ITGAX: variants seen among roughly 807,000 people sequenced by gnomAD.
The protein encoded by ITGAX is integrin alpha-X.
A neutral mutation model predicts 140.2 loss-of-function variants in ITGAX; 99 were observed. The observed-to-expected ratio is 0.71, with a 90% CI of 0.60 to 0.83. The LOEUF is 0.83. Ranked by LOEUF, ITGAX falls within the 40% of genes least tolerant of loss-of-function variation. The probability of loss-of-function intolerance (pLI) is 0.00; values close to 1 mark genes in which losing one functional copy is unlikely to be tolerated. For synonymous variants in ITGAX, 631 were observed against 600.4 expected (o/e 1.05, Z -0.75); for missense variants, 1,444 against 1,482.0 (o/e 0.97, Z 0.42).
chr16:31,361,729 G>A (rs1324754581), intron 9 of ITGAX, 107 bp from the exon 10 acceptor site: 2 of 1,227,990 alleles, frequency 1.6e-6, no homozygotes, highest in African/African-American at 1.5e-5. Flanking sequence ...ACAGGCACCA[G>A]CTCTCCCTGT....
chr16:31,360,384 A>G lies in ITGAX; in HGVS notation c.782A>G (p.Lys261Arg). Reference sequence around the variant, plus strand: ...ATTCTCATTGTCATCACTGATGGGAAGAAAGAAGGCGACAGCCTGGATTAT... The same window carrying G: ...ATTCTCATTGTCATCACTGATGGGAGGAAAGAAGGCGACAGCCTGGATTAT... ...AKILIVITDG[K>R]KEGDSLDYKD... Residue 261 changes from lysine to arginine, a missense_variant, in exon 8 of 30, where the codon AAG becomes AGG. Lys to Arg is a conservative substitution (Grantham distance 26, BLOSUM62 2). Transcript: ENST00000268296. 1.2e-6 allele frequency: 2 copies of G among 1,614,102 alleles called. No individual in the cohort carries two copies. The highest frequency in any genetic ancestry group is 1.7e-6 in the Non-Finnish European group (2 of 1,179,998).
chr16:31,377,276 A>G lies in ITGAX; in HGVS notation c.2789+11A>G. 1 of 1,597,242 alleles carries G rather than the reference A, an allele frequency of 6.3e-7. No homozygotes were observed. Reference sequence around the variant, plus strand: ...CACTGTGGTTAGCAGGTCAGCAGGTACCCCACTGCAGGAAAAAGGGTTCTT... The same window carrying G: ...CACTGTGGTTAGCAGGTCAGCAGGTGCCCCACTGCAGGAAAAAGGGTTCTT... On this transcript the variant is annotated intron_variant, in intron 23 of 29. Transcript: ENST00000268296.
Position 31,381,796 on chromosome 16 carries a change from C to G in ITGAX, c.3388-7C>G. 1.1e-6 allele frequency: 1 copy of G among 872,384 alleles called. No individual in the cohort carries two copies. The highest frequency in any genetic ancestry group is 2.0e-6 in the Non-Finnish European group (1 of 501,384). 54.0% of individuals were successfully genotyped at this position (872,384 alleles called of 1,614,324 possible). On this transcript the variant is annotated splice_polypyrimidine_tract_variant and splice_region_variant and intron_variant, in intron 29 of 29. Coordinates refer to ENST00000268296, the MANE Select transcript of ITGAX (RefSeq NM_000887.5). ...TTCCTGAGTTTCTTCTTCGTCCTCCCCCCTAGGTTGGCTTCTTCAAGCGTC... is the reference window on the plus strand; with the variant it reads ...TTCCTGAGTTTCTTCTTCGTCCTCCGCCCTAGGTTGGCTTCTTCAAGCGTC...
chr16:31,357,120 C>T lies in ITGAX; in HGVS notation c.318+19C>T, dbSNP rs755431431. The T allele has an allele frequency of 6.2e-6, 10 of 1,601,802 alleles. No individual in the cohort carries two copies. Among genetic ancestry groups the T allele is most frequent in the Non-Finnish European group, 8.5e-6 (10 of 1,177,060 alleles). On this transcript the variant is annotated intron_variant, in intron 4 of 29. Coordinates refer to ENST00000268296, the MANE Select transcript of ITGAX (RefSeq NM_000887.5). The stretch of plus-strand genomic sequence containing the variant: ...GCTGCTGGTGAGTGGCCCTGGGTCA[C>T]AGGAGGCTTCTGAGGGAGGGAGGGA...
intron 29 of ITGAX, 49 bp downstream of exon 29, chr16:31,381,056 T>C: frequency 6.8e-7 from 1 of 1,468,280 alleles, no homozygotes; most frequent in Non-Finnish European, 9.5e-7. Context: ...GGTCCCGCTC[T>C]TTTTGCAGAG....
At chr16:31,369,875 T>C (rs2080937526) in intron 14 of ITGAX, 1 of 152,154 alleles carries the variant, frequency 6.6e-6, no homozygotes, top group African/African-American at 2.4e-5. Context: ...AGCCTCGAAC[T>C]CCTGGACTGA....
At chr16:31,355,370 G>C (rs958407009) in intron 1 of ITGAX, 79 bp downstream of exon 1, 13 of 1,479,490 alleles carry the variant, frequency 8.8e-6, no homozygotes, top group East Asian at 4.6e-5. Flanking sequence ...GGCTCAGGCT[G>C]GGGGGTTAGG....
chr16:31,380,066 G>T lies in ITGAX; in HGVS notation c.3060+1G>T. The T allele has an allele frequency of 6.2e-7, 1 of 1,613,906 alleles. No homozygotes were observed. Among genetic ancestry groups the T allele is most frequent in the Non-Finnish European group, 8.5e-7 (1 of 1,179,866 alleles). On this transcript the variant is annotated splice_donor_variant, in intron 26 of 29. Coordinates refer to ENST00000268296, the MANE Select transcript of ITGAX (RefSeq NM_000887.5). LOFTEE classifies it high-confidence loss of function. ...GCACATTCAGAAGAATCCCGTGCTG[G>T]TGAGGAGGGCTCTGGGCTGGCCCTC...
intron 14 of ITGAX, among the ~76,000 whole-genome samples, chr16:31,365,323 G>A (rs1394859488): frequency 6.6e-6 from 1 of 152,102 alleles, no homozygotes; most frequent in Non-Finnish European, 1.5e-5. Flanking sequence ...ATACCAAAAG[G>A]CACTAAGTCA....
rs11574646 is a variant in ITGAX at position 31,380,726 on chromosome 16, C to T, written c.3276+102C>T. 0.21 allele frequency: 301,784 copies of T among 1,451,760 alleles called. 32,357 individuals are homozygous for T. The highest frequency in any genetic ancestry group is 0.25 in the East Asian group (10,870 of 43,706). The allele number at this position is 1,451,760 out of a possible 1,614,324, so 89.9% of individuals were successfully genotyped here. A position where few individuals can be genotyped will look rare whatever the true frequency, so the allele number is the denominator to read the frequency against. ...GTTTGCAAGCCTTGGGGGAGGAGGG[C>T]GAAGGCCTCTGGGCAGGATAGCTGT... On this transcript the variant is annotated intron_variant, in intron 28 of 29. Transcript: ENST00000268296.
At chr16:31,355,792 T>G in intron 1 of ITGAX, 101 bp from the exon 2 acceptor site, 2 of 866,860 alleles carry the variant, frequency 2.3e-6, no homozygotes, top group Non-Finnish European at 3.7e-6. Context: ...ACCCCGGGCA[T>G]CAGGCTCGGA....
intron 2 of ITGAX, 58 bp from the exon 3 acceptor site, chr16:31,356,567 T>A: frequency 1.7e-6 from 2 of 1,207,748 alleles, no homozygotes; most frequent in Non-Finnish European, 2.4e-6. Context: ...CTTGCCGGAG[T>A]GGCAGCTGTG....
At chr16:31,372,332 C>G (rs201977789) in intron 17 of ITGAX, 46 bp from the exon 18 acceptor site, 1 of 1,573,864 alleles carries the variant, frequency 6.4e-7, no homozygotes, top group East Asian at 2.2e-5. Flanking sequence ...GAGCGCAGCT[C>G]TTACCCTCCC....
chr16:31,377,316 A>AAAT, intron 23 of ITGAX, 51 bp downstream of exon 23: 7 of 1,390,982 alleles, frequency 5.0e-6, no homozygotes, highest in Non-Finnish European at 6.8e-6. Flanking sequence ...CTGACCTCAA[A>AAAT]AAGAAAAAAA....
At chr16:31,372,754 A>C in intron 19 of ITGAX, 84 bp downstream of exon 19, 3 of 1,290,922 alleles carry the variant, frequency 2.3e-6, no homozygotes, top group Non-Finnish European at 3.3e-6. Context: ...TCTCCCTAAC[A>C]TTGTCTCATC....
chr16:31,380,431 C>T (rs1274442700), intron 27 of ITGAX, 52 bp downstream of exon 27: 1 of 1,610,124 alleles, frequency 6.2e-7, no homozygotes, highest in Non-Finnish European at 8.5e-7. Context: ...CGGGACCTGG[C>T]ATGTCTGTGC....
In ITGAX at chr16:31,380,882, T is replaced by A. The variant is rs748464412; in HGVS notation, c.3277-15T>A. On this transcript the variant is annotated splice_polypyrimidine_tract_variant and intron_variant, in intron 28 of 29. Transcript: ENST00000268296. Reference sequence around the variant, plus strand: ...GGAGGATGGGAGTGCTCTGACAGGGTCACTTCCACTTCAGACGACAACGGT... The same window carrying A: ...GGAGGATGGGAGTGCTCTGACAGGGACACTTCCACTTCAGACGACAACGGT... 4.4e-6 allele frequency: 7 copies of A among 1,608,100 alleles called. No homozygotes were observed. In the East Asian group the frequency reaches 1.1e-4, roughly 26 times the overall value.
chr16:31,380,081 G>T lies in ITGAX; in HGVS notation c.3060+16G>T. The T allele has an allele frequency of 6.2e-7, 1 of 1,611,284 alleles. No homozygotes were observed. Reference sequence around the variant, plus strand: ...TCCCGTGCTGGTGAGGAGGGCTCTGGGCTGGCCCTCACTGTAGGCCCCACA... The same window carrying T: ...TCCCGTGCTGGTGAGGAGGGCTCTGTGCTGGCCCTCACTGTAGGCCCCACA... On this transcript the variant is annotated intron_variant, in intron 26 of 29. Transcript: ENST00000268296.
chr16:31,376,769 T>G (rs1294427217), intron 20 of ITGAX, 30 bp from the exon 21 acceptor site: 5 of 1,604,216 alleles, frequency 3.1e-6, no homozygotes, highest in Non-Finnish European at 4.3e-6. Context: ...CAATTTCAAC[T>G]AATACTCCTC....
Sources: gnomAD v4.1 joint callset for allele counts (sites outside exome capture counted in the v4.1 genomes callset) on GRCh38, gnomAD v4.1.1 for gene constraint, MANE v1.5 for transcripts, NCBI Gene and HGNC (gene_info 2026-07-23, HGNC 2026-07-21) for gene names.